The following CFAP46 variants were observed in gnomAD, a reference collection of about 807,000 sequenced individuals.
CFAP46 encodes the protein cilia- and flagella-associated protein 46.
In CFAP46, 245 loss-of-function variants were observed where a neutral mutation model predicts 325.7. The observed-to-expected ratio is 0.75, with a 90% CI of 0.68 to 0.84. The LOEUF (loss-of-function observed/expected upper bound fraction) is 0.84, where lower values mean the gene tolerates loss of function less well. Ranked by LOEUF, CFAP46 falls within the 40% of genes least tolerant of loss-of-function variation. The probability of loss-of-function intolerance (pLI) is 0.00; values close to 1 mark genes in which losing one functional copy is unlikely to be tolerated. For synonymous variants in CFAP46, 1,523 were observed against 1,495.9 expected (o/e 1.02, Z -0.42); for missense variants, 3,346 against 3,543.0 (o/e 0.94, Z 1.41).
At chr10:132,841,185 C>T (rs546080140) in intron 44 of CFAP46, among the ~76,000 whole-genome samples, 7 of 152,170 alleles carry the variant, frequency 4.6e-5, no homozygotes, top group African/African-American at 1.7e-4. Flanking sequence ...CTCAAAAGTC[C>T]GAAGTTCAGT....
chr10:132,866,970 G>A (rs1358223595), intron 34 of CFAP46, among the ~76,000 whole-genome samples: 1 of 152,166 alleles, frequency 6.6e-6, no homozygotes, highest in East Asian at 1.9e-4. Context: ...CTCAGCCTCT[G>A]CCCAGGCGCC....
chr10:132,880,623 G>C (rs1849024872), intron 28 of CFAP46, among the ~76,000 whole-genome samples: 1 of 144,016 alleles, frequency 6.9e-6, no homozygotes, highest in South Asian at 2.2e-4. Context: ...GTCAGGCTGA[G>C]TCCCTCAGGG....
chr10:132,942,120 G>A lies in CFAP46; in HGVS notation c.50-16C>T, dbSNP rs1420356771. On this transcript the variant is annotated splice_polypyrimidine_tract_variant and intron_variant, in intron 1 of 57. Transcript: ENST00000368586. ...GACGCAGCATCTGTCCCAAACGGGT[G>A]GTTGAGGAAGGTTTGGTCACTGGGC... is the stretch of plus-strand genomic sequence containing the variant. 5 of 1,551,344 alleles carry A rather than the reference G, an allele frequency of 3.2e-6. No homozygotes were observed. The highest frequency in any genetic ancestry group is 1.4e-5 in the African/African-American group (1 of 73,190).
intron 38 of CFAP46, among the ~76,000 whole-genome samples, chr10:132,858,210 G>C (rs373278558): frequency 1.3e-5 from 2 of 152,312 alleles, no homozygotes; most frequent in East Asian, 3.9e-4. Context: ...AGACGCTTGC[G>C]TGTGGACAAG....
At position 132,919,557 on chromosome 10, in the gene CFAP46, AG is replaced by A; in HGVS notation, c.1731-116del. 1 of 1,369,774 alleles carries A rather than the reference AG, an allele frequency of 7.3e-7. No homozygotes were observed. 84.9% of individuals were successfully genotyped at this position (1,369,774 alleles called of 1,614,324 possible). A position where few individuals can be genotyped will look rare whatever the true frequency, so the allele number is the denominator to read the frequency against. ...AGGCCACTGTGGCTCTGCAGTTTCA[AG>A]GTGGCAAGGAGCCCGGCACTCGCGC... is the stretch of plus-strand genomic sequence containing the variant. On this transcript the variant is annotated intron_variant, in intron 14 of 57. Transcript: ENST00000368586. The surrounding 1 kb of genome is among the most constrained non-coding windows in gnomAD (Gnocchi z 9.7).
intron 38 of CFAP46, among the ~76,000 whole-genome samples, chr10:132,858,167 C>T (rs1848670063): frequency 1.3e-5 from 2 of 152,048 alleles, no homozygotes; most frequent in African/African-American, 4.8e-5. Flanking sequence ...CTCGCGCAGG[C>T]TTCTACACGC....
At chr10:132,881,468 G>T (rs946759790) in intron 27 of CFAP46, among the ~76,000 whole-genome samples, 11 of 152,220 alleles carry the variant, frequency 7.2e-5, no homozygotes, top group Non-Finnish European at 1.3e-4. Flanking sequence ...AAAGGTGTTT[G>T]CCCTGTCCTG....
intron 22 of CFAP46, among the ~76,000 whole-genome samples, chr10:132,904,123 A>G (rs1471989360): frequency 6.6e-6 from 1 of 152,278 alleles, no homozygotes; most frequent in East Asian, 1.9e-4. Flanking sequence ...TTCAAAACGG[A>G]AAGAAATTAG....
intron 26 of CFAP46, 40 bp downstream of exon 26, chr10:132,885,780 CG>C (rs1564789788): frequency 7.2e-7 from 1 of 1,383,154 alleles, no homozygotes; most frequent in Non-Finnish European, 9.4e-7. Flanking sequence ...AGCACTCAGG[CG>C]GTGGAGGGAG....
At chr10:132,878,938 G>A (rs904756054) in intron 29 of CFAP46, among the ~76,000 whole-genome samples, 27 of 152,322 alleles carry the variant, frequency 1.8e-4, no homozygotes, top group Admixed American at 1.8e-3. Flanking sequence ...AGGGAGAGGT[G>A]GTAGGAGGAG....
intron 4 of CFAP46, among the ~76,000 whole-genome samples, chr10:132,938,969 G>A (rs1013858751): frequency 2.6e-5 from 4 of 152,188 alleles, no homozygotes; most frequent in African/African-American, 4.8e-5. Context: ...GCGACCCTGC[G>A]TCCGACGTGC....
intron 19 of CFAP46, among the ~76,000 whole-genome samples, chr10:132,911,959 G>A (rs138075217): frequency 1.6e-4 from 25 of 152,148 alleles, no homozygotes; most frequent in African/African-American, 6.0e-4. Flanking sequence ...AGCCCCTGAC[G>A]TTTTACTTCC....
At position 132,834,022 on chromosome 10, in the gene CFAP46, C is replaced by A. The variant is rs554832399; in HGVS notation, c.6949+19G>T. 1.2e-6 allele frequency: 2 copies of A among 1,610,250 alleles called. No homozygotes were observed. Among genetic ancestry groups the A allele is most frequent in the Non-Finnish European group, 1.7e-6 (2 of 1,176,974 alleles). On this transcript the variant is annotated intron_variant, in intron 49 of 57. Transcript: ENST00000368586. ...GGGATGAGCTCCCCAGGCTGAGTGG[C>A]CACGCCCGCCCCACTCACTGTGTTG...
At chr10:132,895,235 A>C (rs1849303538) in intron 24 of CFAP46, among the ~76,000 whole-genome samples, 2 of 152,234 alleles carry the variant, frequency 1.3e-5, no homozygotes, top group Admixed American at 6.5e-5. Context: ...CAATTGACAG[A>C]GAAAAGGCAT....
intron 44 of CFAP46, among the ~76,000 whole-genome samples, chr10:132,843,519 G>A (rs1296499316): frequency 1.3e-5 from 2 of 148,686 alleles, no homozygotes; most frequent in Non-Finnish European, 3.0e-5. Context: ...GCTGGTGGGC[G>A]TTCCCAGGGT....
At chr10:132,837,615 G>C (rs115102617) in intron 44 of CFAP46, among the ~76,000 whole-genome samples, 7 of 74,750 alleles carry the variant, frequency 9.4e-5, no homozygotes, top group Admixed American at 7.9e-4. Context: ...ACACGCACAC[G>C]TACACAGACA....
At chr10:132,880,762 A>G (rs1849029571) in intron 28 of CFAP46, 99 bp downstream of exon 28, 1 of 1,394,588 alleles carries the variant, frequency 7.2e-7, no homozygotes, top group Admixed American at 2.2e-5. Context: ...AAGCCTGCAC[A>G]GACACATGGA....
At chr10:132,830,260 T>C (rs1246396705) in intron 50 of CFAP46, among the ~76,000 whole-genome samples, 2 of 152,088 alleles carry the variant, frequency 1.3e-5, no homozygotes, top group Non-Finnish European at 2.9e-5. Context: ...TCTCCTGTCT[T>C]AGCCTCCTGA....
At chr10:132,824,498 T>C (rs965667133) in intron 50 of CFAP46, among the ~76,000 whole-genome samples, 4 of 95,904 alleles carry the variant, frequency 4.2e-5, no homozygotes, top group Non-Finnish European at 6.5e-5. Flanking sequence ...CTGTGTGCTG[T>C]GTGCTGATGT....
Sources: gnomAD v4.1 joint callset for allele counts (sites outside exome capture counted in the v4.1 genomes callset) on GRCh38, gnomAD v4.1.1 for gene constraint, Gnocchi (gnomAD v3.1) non-coding constraint, MANE v1.5 for transcripts, NCBI Gene and HGNC (gene_info 2026-07-23, HGNC 2026-07-21) for gene names.